The following SDK1 variants were observed in gnomAD, a reference collection of about 807,000 sequenced individuals.
SDK1 encodes protein sidekick-1.
SDK1 carries 157 observed loss-of-function variants against 245.5 expected under a neutral mutation model. That is an observed-to-expected ratio of 0.64 (90% CI 0.56 to 0.73). SDK1 has a LOEUF of 0.73. SDK1 is among the 30% of genes least tolerant of loss of function. SDK1 has a pLI of 0.00. For missense variants in SDK1, 3,583 were observed against 3,002.3 expected (o/e 1.19, Z -4.52); for synonymous variants, 1,647 against 1,278.5 (o/e 1.29, Z -6.15).
intron 40 of SDK1, among the ~76,000 whole-genome samples, chr7:4,230,889 C>G (rs890822449): frequency 2.0e-5 from 3 of 152,168 alleles, no homozygotes; most frequent in Non-Finnish European, 4.4e-5. Flanking sequence ...CCTCCATCCC[C>G]TGTCCACAGG....
At chr7:4,249,544 G>A (rs987273944) in intron 44 of SDK1, among the ~76,000 whole-genome samples, 4 of 152,188 alleles carry the variant, frequency 2.6e-5, no homozygotes, top group Admixed American at 1.3e-4. Context: ...TTTCACCTAG[G>A]ATTTGGGGGC....
chr7:4,054,507 C>T (rs959395705), intron 19 of SDK1, among the ~76,000 whole-genome samples: 5 of 152,132 alleles, frequency 3.3e-5, no homozygotes, highest in African/African-American at 7.2e-5. Context: ...GTATCTACCA[C>T]GATAATCAAG....
intron 38 of SDK1, 88 bp from the exon 39 acceptor site, chr7:4,220,021 C>CT: frequency 1.3e-6 from 2 of 1,487,192 alleles, no homozygotes; most frequent in Non-Finnish European, 1.8e-6. Flanking sequence ...GCAGGGACCA[C>CT]TTTCCTTGTT....
intron 1 of SDK1, among the ~76,000 whole-genome samples, chr7:3,571,921 C>T (rs907652797): frequency 6.6e-6 from 1 of 152,072 alleles, no homozygotes; most frequent in African/African-American, 2.4e-5. Context: ...CTCATACTCT[C>T]TTTCCATCCC....
chr7:4,170,340 G>A (rs563510659), intron 32 of SDK1, among the ~76,000 whole-genome samples: 8 of 152,168 alleles, frequency 5.3e-5, no homozygotes, highest in East Asian at 1.9e-4. Flanking sequence ...CCAGCTACTC[G>A]GGAGGCTGAG....
At chr7:4,193,392 A>ATG (rs1562414310) in intron 35 of SDK1, among the ~76,000 whole-genome samples, 2 of 138,190 alleles carry the variant, frequency 1.4e-5, no homozygotes, top group South Asian at 2.2e-4. Flanking sequence ...ATATATATAT[A>ATG]TATATAAAGG....
At chr7:3,461,595 G>C (rs1383969391) in intron 1 of SDK1, among the ~76,000 whole-genome samples, 2 of 152,160 alleles carry the variant, frequency 1.3e-5, no homozygotes, top group African/African-American at 4.8e-5. Flanking sequence ...TCACTTAGTA[G>C]TTGTGTGACT....
Position 3,481,642 on chromosome 7 carries a change from C to T in SDK1, c.299-137438C>T, listed in dbSNP as rs556922659. On this transcript the variant is annotated intron_variant, in intron 1 of 44. Coordinates refer to ENST00000404826, the MANE Select transcript of SDK1 (RefSeq NM_152744.4). ...TCCTGTGTACAGGGTTACCTCAGGG[C>T]TCACTGTGTCCCTTGGGAAAGGTCA... is the stretch of plus-strand genomic sequence containing the variant. 2.5e-4 allele frequency among the ~76,000 whole-genome samples: 38 copies of T among 152,336 alleles called. No homozygotes were observed. In the South Asian group the frequency reaches 5.0e-3, roughly 20 times the overall value.
chr7:4,240,822 G>T (rs1013107701), intron 42 of SDK1, among the ~76,000 whole-genome samples: 1 of 152,142 alleles, frequency 6.6e-6, no homozygotes, highest in Non-Finnish European at 1.5e-5. Flanking sequence ...TGCAGGAAGG[G>T]GAGAGAAACC....
chr7:3,648,580 A>G (rs1237848162), intron 4 of SDK1, among the ~76,000 whole-genome samples: 1 of 152,236 alleles, frequency 6.6e-6, no homozygotes, highest in Non-Finnish European at 1.5e-5. Flanking sequence ...TTAACTTATT[A>G]CCATTTCATT....
In SDK1 at chr7:4,267,862, C is replaced by G. The variant is rs1470902684; in HGVS notation, c.*2478C>G. ...GCTGGACTGTGCTTAGGACAGCGCC[C>G]ATGCCTCGGAGGGACTCTGTCCCAT... is the stretch of plus-strand genomic sequence containing the variant. On this transcript the variant is annotated 3_prime_UTR_variant, in exon 45 of 45. Transcript: ENST00000404826. 2.0e-6 allele frequency: 2 copies of G among 985,466 alleles called. No individual in the cohort carries two copies. The highest frequency in any genetic ancestry group is 1.2e-4 in the Admixed American group (2 of 16,274). 61.0% of individuals were successfully genotyped at this position (985,466 alleles called of 1,614,324 possible).
intron 44 of SDK1, among the ~76,000 whole-genome samples, chr7:4,253,215 G>A (rs2128241370): frequency 6.6e-6 from 1 of 152,166 alleles, no homozygotes; most frequent in South Asian, 2.1e-4. Flanking sequence ...TAAGTTGGAA[G>A]TTTATGTTGT....
At chr7:4,248,396 C>T (rs1308367860) in intron 44 of SDK1, among the ~76,000 whole-genome samples, 1 of 151,266 alleles carries the variant, frequency 6.6e-6, no homozygotes, top group Non-Finnish European at 1.5e-5. Context: ...CACATATGCA[C>T]ACATATGTAC....
intron 13 of SDK1, among the ~76,000 whole-genome samples, chr7:3,981,794 G>A (rs889082905): frequency 5.3e-5 from 8 of 152,170 alleles, no homozygotes; most frequent in African/African-American, 1.9e-4. Flanking sequence ...AGCTAGCAGG[G>A]GTTGGTTTGT....
chr7:3,974,978 G>T (rs903325825), intron 13 of SDK1, among the ~76,000 whole-genome samples: 2 of 152,172 alleles, frequency 1.3e-5, no homozygotes, highest in African/African-American at 4.8e-5. Context: ...TGGGGTTTCA[G>T]TGAGTCCCAG....
intron 1 of SDK1, among the ~76,000 whole-genome samples, chr7:3,434,783 G>A (rs1166069408): frequency 6.6e-6 from 1 of 152,128 alleles, no homozygotes; most frequent in Admixed American, 6.5e-5. Flanking sequence ...GGAACCATCT[G>A]CAGGGAGTGT....
chr7:3,715,232 A>G (rs995122709), intron 4 of SDK1, among the ~76,000 whole-genome samples: 1 of 152,212 alleles, frequency 6.6e-6, no homozygotes, highest in African/African-American at 2.4e-5. Flanking sequence ...TTGTAAATTT[A>G]AGGTTTTATT....
chr7:3,605,835 G>T (rs1781404808), intron 1 of SDK1, among the ~76,000 whole-genome samples: 1 of 151,830 alleles, frequency 6.6e-6, no homozygotes. Context: ...TTTAACTTCT[G>T]ATCAAATTAA....
In SDK1 at chr7:3,680,207, C is replaced by T. The variant is rs61567214; in HGVS notation, c.713+38102C>T. The stretch of plus-strand genomic sequence containing the variant: ...ATCTCCAATCTCAAAAGGCTTTAGA[C>T]TGTGTGAGTCCATTTATATTGCATT... On this transcript the variant is annotated intron_variant, in intron 4 of 44. Transcript: ENST00000404826. Among the ~76,000 whole-genome samples, 1,398 of 152,232 alleles carry T rather than the reference C, an allele frequency of 9.2e-3. 25 individuals are homozygous for T. The highest frequency in any genetic ancestry group is 0.033 in the African/African-American group (1,358 of 41,522).
Sources: gnomAD v4.1 joint callset for allele counts (sites outside exome capture counted in the v4.1 genomes callset) on GRCh38, gnomAD v4.1.1 for gene constraint, MANE v1.5 for transcripts, NCBI Gene and HGNC (gene_info 2026-07-23, HGNC 2026-07-21) for gene names.